The following CNGB3 variants were observed in gnomAD, a reference collection of about 807,000 sequenced individuals.
CNGB3 encodes cyclic nucleotide gated channel subunit beta 3, also known as cyclic nucleotide-gated channel beta-3.
CNGB3 carries 86 observed loss-of-function variants against 92.8 expected under a neutral mutation model. That is an observed-to-expected ratio of 0.93 (90% CI 0.78 to 1.11). The LOEUF is 1.11. CNGB3 is among the 50% of genes least tolerant of loss of function. The probability of loss-of-function intolerance (pLI) is 0.00; values close to 1 mark genes in which losing one functional copy is unlikely to be tolerated. For missense variants in CNGB3, 1,026 were observed against 956.8 expected (o/e 1.07, Z -0.95); for synonymous variants, 333 against 332.7 (o/e 1.00, Z -0.01).
intron 5 of CNGB3, 28 bp downstream of exon 5, chr8:86,667,991 A>G (rs1209688293): frequency 6.2e-7 from 1 of 1,613,520 alleles, no homozygotes; most frequent in Non-Finnish European, 8.5e-7. Context: ...CAGCCCTCCC[A>G]CTATGATAAT....
intron 13 of CNGB3, among the ~76,000 whole-genome samples, chr8:86,623,668 G>A (rs1412981052): frequency 6.6e-6 from 1 of 152,128 alleles, no homozygotes; most frequent in Non-Finnish European, 1.5e-5. Context: ...CATGATTTTT[G>A]AAGAAGACAC....
chr8:86,635,516 T>C (rs1823044510), intron 10 of CNGB3, among the ~76,000 whole-genome samples: 1 of 150,104 alleles, frequency 6.7e-6, no homozygotes, highest in Admixed American at 6.6e-5. Flanking sequence ...TTGAACAATT[T>C]TTTTTATATT....
At chr8:86,721,790 C>A (rs1001612178) in intron 3 of CNGB3, among the ~76,000 whole-genome samples, 7 of 152,094 alleles carry the variant, frequency 4.6e-5, no homozygotes, top group Non-Finnish European at 1.0e-4. Context: ...AACTTGATAG[C>A]TGACATTCCT....
At chr8:86,673,067 A>G (rs1262625514) in intron 3 of CNGB3, among the ~76,000 whole-genome samples, 3 of 152,236 alleles carry the variant, frequency 2.0e-5, no homozygotes, top group Non-Finnish European at 4.4e-5. Context: ...AAGTTTATTC[A>G]TCCATCAAGC....
chr8:86,733,453 A>G (rs1486964581), intron 2 of CNGB3, among the ~76,000 whole-genome samples: 1 of 152,252 alleles, frequency 6.6e-6, no homozygotes, highest in Non-Finnish European at 1.5e-5. Flanking sequence ...TCTTTTGGAT[A>G]TATACCCAGT....
chr8:86,695,277 G>C (rs1824428187), intron 3 of CNGB3, among the ~76,000 whole-genome samples: 1 of 152,192 alleles, frequency 6.6e-6, no homozygotes, highest in African/African-American at 2.4e-5. Flanking sequence ...GGCATCAGAG[G>C]GAGACCGTGG....
At chr8:86,594,723 G>C (rs1250107048) in intron 15 of CNGB3, 2 of 184,042 alleles carry the variant, frequency 1.1e-5, no homozygotes, top group African/African-American at 4.7e-5. Flanking sequence ...TTGTTTGTTT[G>C]TTTTGAGAAG....
At chr8:86,652,214 G>A (rs1025673304) in intron 7 of CNGB3, among the ~76,000 whole-genome samples, 1 of 151,842 alleles carries the variant, frequency 6.6e-6, no homozygotes, top group Non-Finnish European at 1.5e-5. Context: ...AATATGATAC[G>A]AAAGATAAAA....
intron 6 of CNGB3, among the ~76,000 whole-genome samples, chr8:86,656,359 T>A (rs1017990745): frequency 3.3e-5 from 5 of 152,346 alleles, no homozygotes; most frequent in African/African-American, 9.6e-5. Flanking sequence ...CAAGGTTGTC[T>A]ATGATTCTAT....
chr8:86,701,599 C>T (rs1380086102), intron 3 of CNGB3, among the ~76,000 whole-genome samples: 1 of 152,152 alleles, frequency 6.6e-6, no homozygotes, highest in Non-Finnish European at 1.5e-5. Flanking sequence ...AGAAAGATAA[C>T]CATGCAATAA....
chr8:86,701,765 A>G (rs182166538), intron 3 of CNGB3, among the ~76,000 whole-genome samples: 1 of 152,324 alleles, frequency 6.6e-6, no homozygotes, highest in Admixed American at 6.5e-5. Flanking sequence ...CTACTGGGAA[A>G]TGGTCAATTC....
At chr8:86,705,929 C>T (rs1824644262) in intron 3 of CNGB3, among the ~76,000 whole-genome samples, 1 of 152,182 alleles carries the variant, frequency 6.6e-6, no homozygotes, top group Non-Finnish European at 1.5e-5. Flanking sequence ...AAACTTTTTG[C>T]TGCTGCTGTT....
chr8:86,658,524 G>A, intron 6 of CNGB3: 1 of 366,980 alleles, frequency 2.7e-6, no homozygotes, highest in Non-Finnish European at 5.2e-6. Flanking sequence ...TATGAGCTGG[G>A]TCTGCAGCAG....
chr8:86,658,045 A>T lies in CNGB3; in HGVS notation c.853-3983T>A, dbSNP rs1487702934. On this transcript the variant is annotated intron_variant, in intron 6 of 17. Transcript: ENST00000320005. ...GTCCACCTTCTCCTGCATGAGCTCC[A>T]TAAAGTGGCTCTGCAGCTTCTCCAT... 5 of 537,248 alleles carry T rather than the reference A, an allele frequency of 9.3e-6. No homozygotes were observed. The East Asian group carries it at 1.7e-4, about 18-fold the overall frequency. 33.3% of individuals were successfully genotyped at this position (537,248 alleles called of 1,614,324 possible).
intron 13 of CNGB3, among the ~76,000 whole-genome samples, chr8:86,615,780 G>A (rs1181155029): frequency 6.6e-6 from 1 of 152,024 alleles, no homozygotes; most frequent in African/African-American, 2.4e-5. Context: ...TGACCATAAA[G>A]TAAAATGGTG....
chr8:86,630,627 G>T (rs1348547770), intron 11 of CNGB3, among the ~76,000 whole-genome samples: 1 of 152,160 alleles, frequency 6.6e-6, no homozygotes, highest in African/African-American at 2.4e-5. Flanking sequence ...AGCATTTTGG[G>T]AGATGAGGTG....
chr8:86,578,793 G>T lies in CNGB3; in HGVS notation c.1999C>A (p.Pro667Thr), dbSNP rs746605655. ...AGTTTGGGTGTCTCTTCTTTCGGTG[G>T]GAAGAGGAGGGCAAGATCTTTTCTT... ...PPRKDLALLF[P>T]PKEETPKLFK... The change falls in exon 17 of 18, where the codon CCA (proline) becomes ACA (threonine). Residue 667 changes from proline to threonine, a missense_variant. Coordinates refer to ENST00000320005, the MANE Select transcript of CNGB3 (RefSeq NM_019098.5). The T allele has an allele frequency of 3.1e-6, 5 of 1,614,022 alleles. No individual in the cohort carries two copies. The highest frequency in any genetic ancestry group is 4.2e-6 in the Non-Finnish European group (5 of 1,180,032).
intron 15 of CNGB3, among the ~76,000 whole-genome samples, chr8:86,587,093 G>A (rs1255364531): frequency 5.7e-5 from 8 of 141,308 alleles, no homozygotes; most frequent in African/African-American, 8.0e-5. Flanking sequence ...GCCAGTGATG[G>A]TGAGCATTTT....
chr8:86,622,900 CA>C (rs938969995), intron 13 of CNGB3, among the ~76,000 whole-genome samples: 3 of 152,196 alleles, frequency 2.0e-5, no homozygotes, highest in African/African-American at 2.4e-5. Flanking sequence ...ATATGATCAT[CA>C]AAATATTGAT....
Sources: gnomAD v4.1 joint callset for allele counts (sites outside exome capture counted in the v4.1 genomes callset) on GRCh38, gnomAD v4.1.1 for gene constraint, MANE v1.5 for transcripts, NCBI Gene and HGNC (gene_info 2026-07-23, HGNC 2026-07-21) for gene names.